Variants in ZP1 observed in about 807,000 individuals in gnomAD.
ZP1 encodes the protein zona pellucida sperm-binding protein 1.
A neutral mutation model predicts 67.4 loss-of-function variants in ZP1; 58 were observed. The ratio of observed to expected loss-of-function variants is 0.86; its 90% CI spans 0.70 to 1.07. The LOEUF is 1.07. Among genes scored for constraint, ZP1 ranks in the 50% least tolerant of loss-of-function variants. The pLI is 0.00. For missense variants in ZP1, 759 were observed against 807.3 expected, an observed-to-expected ratio of 0.94 and a Z score of 0.72; for synonymous variants, 333 against 332.7, an observed-to-expected ratio of 1.00 and a Z score of -0.01.
chr11:60,874,933 GT>G lies in ZP1; in HGVS notation c.1576del (p.Tyr526ThrfsTer45). 2 of 1,614,170 alleles carry G rather than the reference GT, an allele frequency of 1.2e-6. No homozygotes were observed. Among genetic ancestry groups the G allele is most frequent in the Non-Finnish European group, 1.7e-6 (2 of 1,180,040 alleles). ...TTTGATGTTCTTCTCCTTCCACCAG[GT>G]TTACTTGTTCTGCAGCACCTCTGCC... is the stretch of plus-strand genomic sequence containing the variant. Reference protein sequence around the residue: ...SGSQRALRGLVYLFCSTSACH... With the variant: ...SGSQRALRGLXYLFCSTSACH... On this transcript the variant is annotated frameshift_variant and splice_region_variant, in exon 10 of 12. Coordinates refer to ENST00000278853, the MANE Select transcript of ZP1 (RefSeq NM_207341.4). LOFTEE classifies it high-confidence loss of function.
At chr11:60,869,508 G>T in intron 2 of ZP1, 29 bp from the exon 3 acceptor site, 1 of 1,573,322 alleles carries the variant, frequency 6.4e-7, no homozygotes, top group South Asian at 1.2e-5. Context: ...GCCTCACCTT[G>T]CTGCTCTATG....
intron 6 of ZP1, among the ~76,000 whole-genome samples, chr11:60,872,870 G>A (rs1855606490): frequency 6.6e-6 from 1 of 152,156 alleles, no homozygotes; most frequent in African/African-American, 2.4e-5. Context: ...GACCCAACAA[G>A]GTGCCAGCCC....
rs116132208 is a variant in ZP1 at position 60,868,482 on chromosome 11, G to A, written c.197-663G>A. Among the ~76,000 whole-genome samples the A allele has an allele frequency of 3.9e-3, 599 of 152,338 alleles. 4 individuals carry two copies. Among genetic ancestry groups the A allele is most frequent in the African/African-American group, 0.013 (550 of 41,570 alleles). ...GTTTGGATCTGCAGCTTCTAAACGG[G>A]ATGATTTTGGACAACTGACCTGACT... On this transcript the variant is annotated intron_variant, in intron 1 of 11. Transcript: ENST00000278853.
intron 1 of ZP1, 73 bp downstream of exon 1, chr11:60,867,830 C>A: frequency 6.5e-7 from 1 of 1,527,756 alleles, no homozygotes; most frequent in Non-Finnish European, 8.8e-7. Context: ...TGGGACCCTT[C>A]CCCTGAAGGA....
At chr11:60,873,866 T>C (rs1014376210) in intron 9 of ZP1, 91 bp downstream of exon 9, 1 of 1,543,978 alleles carries the variant, frequency 6.5e-7, no homozygotes, top group Non-Finnish European at 8.8e-7. Context: ...TGAACTTATA[T>C]GGACAAAGTT....
chr11:60,870,436 GACA>G lies in ZP1; in HGVS notation c.791_793del (p.Asn264del), dbSNP rs1855545427. ...CTGTCAGCAGGCTGGCTGCTGCTAT[GACA>G]ACACCAGAGAGGTTCCCTGTTACTA... On this transcript the variant is annotated inframe_deletion, in exon 4 of 12. Coordinates refer to ENST00000278853, the MANE Select transcript of ZP1 (RefSeq NM_207341.4). 3 of 1,613,252 alleles carry G rather than the reference GACA, an allele frequency of 1.9e-6. No homozygotes were observed. Among genetic ancestry groups the G allele is most frequent in the South Asian group, 2.2e-5 (2 of 90,862 alleles).
rs1855518023 is a variant in ZP1 at position 60,869,077 on chromosome 11, T to TC, written c.197-66dup. On this transcript the variant is annotated intron_variant, in intron 1 of 11. Coordinates refer to ENST00000278853, the MANE Select transcript of ZP1 (RefSeq NM_207341.4). ...TCCTGGCTGCTGAGTGGGAACTCCT[T>TC]CCGAGACCCCAGCAACCTCTCCCTG... is the stretch of plus-strand genomic sequence containing the variant. 5 of 1,592,238 alleles carry TC rather than the reference T, an allele frequency of 3.1e-6. No individual in the cohort carries two copies. The Admixed American group carries it at 8.5e-5, about 27-fold the overall frequency.
Position 60,870,378 on chromosome 11 carries a change from C to A in ZP1, c.729C>A (p.Leu243=), listed in dbSNP as rs144315375. 99 of 1,613,308 alleles carry A rather than the reference C, an allele frequency of 6.1e-5. No individual in the cohort carries two copies. The East Asian group carries it at 2.2e-3, about 36-fold the overall frequency. ...AGTGCCAGGTGGCCTCAGGGCACCT[C>A]CCCTGCATCGTGAGAAGAACTTCAA... ...QEQCQVASGH[L]PCIVRRTSKE... The change falls in exon 4 of 12, where the codon CTC becomes CTA. Residue 243 remains leucine, a synonymous_variant. Coordinates refer to ENST00000278853, the MANE Select transcript of ZP1 (RefSeq NM_207341.4).
intron 1 of ZP1, among the ~76,000 whole-genome samples, chr11:60,868,652 TC>T (rs1055797116): frequency 2.6e-5 from 4 of 152,168 alleles, no homozygotes; most frequent in Admixed American, 1.3e-4. Context: ...AGGGGGTGTC[TC>T]CAAGCAACTG....
intron 3 of ZP1, 62 bp downstream of exon 3, chr11:60,869,962 C>G (rs983875200): frequency 4.0e-6 from 6 of 1,494,494 alleles, no homozygotes; most frequent in Non-Finnish European, 3.6e-6. Flanking sequence ...ACAGGGTGGC[C>G]TAACAGCCTT....
chr11:60,867,839 G>A (rs767604966), intron 1 of ZP1, 82 bp downstream of exon 1: 32 of 1,496,480 alleles, frequency 2.1e-5, no homozygotes, highest in Non-Finnish European at 2.7e-5. Context: ...TCCCCTGAAG[G>A]AGCAAGAACA....
At position 60,873,233 on chromosome 11, in the gene ZP1, C is replaced by A; in HGVS notation, c.1184C>A (p.Ser395Ter). Reference sequence around the variant, plus strand: ...CAGGCATCCATTTTCCCACCCCCATCGCCTGCTCCTATGACCCAGCCCGGC... The same window carrying A: ...CAGGCATCCATTTTCCCACCCCCATAGCCTGCTCCTATGACCCAGCCCGGC... ...PIQASIFPPP[S>*]PAPMTQPGPL... is the part of the protein sequence containing the mutation. Residue 395 changes from serine (S) to a stop codon, truncating the protein, a stop_gained, in exon 7 of 12, where the codon TCG (serine) becomes TAG (stop). Coordinates refer to ENST00000278853, the MANE Select transcript of ZP1 (RefSeq NM_207341.4). LOFTEE classifies it high-confidence loss of function. The A allele has an allele frequency of 1.9e-6, 3 of 1,607,558 alleles. No individual in the cohort carries two copies. Among genetic ancestry groups the A allele is most frequent in the African/African-American group, 1.3e-5 (1 of 74,920 alleles).
Position 60,870,318 on chromosome 11 carries a change from T to C in ZP1, c.683-14T>C. The C allele has an allele frequency of 6.4e-7, 1 of 1,563,214 alleles. No individual in the cohort carries two copies. Among genetic ancestry groups the C allele is most frequent in the Non-Finnish European group, 8.6e-7 (1 of 1,156,170 alleles). ...CTGTGTGCCTTCAGCCTCATCACTC[T>C]GTCCCAACCCTAGGTACCCACCTGA... On this transcript the variant is annotated splice_polypyrimidine_tract_variant and intron_variant, in intron 3 of 11. Transcript: ENST00000278853.
At chr11:60,871,411 C>T (rs1044932739) in intron 6 of ZP1, 97 bp downstream of exon 6, 2 of 1,334,832 alleles carry the variant, frequency 1.5e-6, no homozygotes, top group Non-Finnish European at 1.0e-6. Flanking sequence ...TCAGCTCAAA[C>T]CCAGGCTCTG....
rs1855529261 is a variant in ZP1, at chr11:60,869,663, G to A, written c.445G>A (p.Ala149Thr). ...CTCCCGGACTCTGGACTCCCAGCTG[G>A]CACCACCCGCCATGTTCTCTGTCTC... ...DPSRTLDSQL[A>T]PPAMFSVSTP... Residue 149 changes from alanine to threonine, a missense_variant, in exon 3 of 12, where the codon GCA becomes ACA. Physicochemically the swap from Ala to Thr is moderately conservative, Grantham distance 58. Coordinates refer to ENST00000278853, the MANE Select transcript of ZP1 (RefSeq NM_207341.4). 6.2e-7 allele frequency: 1 copy of A among 1,614,062 alleles called. No individual in the cohort carries two copies. Among genetic ancestry groups the A allele is most frequent in the Non-Finnish European group, 8.5e-7 (1 of 1,180,006 alleles).
rs569486356 is a variant in ZP1, at chr11:60,871,004, C to T, written c.874C>T (p.Gln292Ter). 4.8e-5 allele frequency: 77 copies of T among 1,614,214 alleles called. No individual in the cohort carries two copies. The South Asian group carries it at 8.0e-4, about 17-fold the overall frequency. ...TGGCTACTTCGTCCTCGTGGTGTCC[C>T]AAGAAATGGCCTTGACACACAGGAT... ...RDGYFVLVVSQEMALTHRITL... is the reference protein window; with the variant it reads ...RDGYFVLVVS Residue 292 changes from glutamine to a stop codon, truncating the protein, a stop_gained, in exon 5 of 12, where the codon CAA becomes TAA. Coordinates refer to ENST00000278853, the MANE Select transcript of ZP1 (RefSeq NM_207341.4). LOFTEE classifies it high-confidence loss of function.
rs559714951 is a variant in ZP1 at position 60,869,661 on chromosome 11, T to C, written c.443T>C (p.Leu148Pro). The change falls in exon 3 of 12, where the codon CTG (leucine) becomes CCG (proline). Residue 148 changes from leucine to proline, a missense_variant. Leu to Pro is a moderately conservative substitution (Grantham distance 98, BLOSUM62 -3). Transcript: ENST00000278853. ...CCCTCCCGGACTCTGGACTCCCAGCTGGCACCACCCGCCATGTTCTCTGTC... is the reference window on the plus strand; with the variant it reads ...CCCTCCCGGACTCTGGACTCCCAGCCGGCACCACCCGCCATGTTCTCTGTC... The part of the protein sequence containing the change: ...PDPSRTLDSQ[L>P]APPAMFSVST... 8 of 1,614,180 alleles carry C rather than the reference T, an allele frequency of 5.0e-6. No homozygotes were observed. In the South Asian group the frequency reaches 8.8e-5, roughly 18 times the overall value.
chr11:60,868,039 CTTT>C (rs3044654), intron 1 of ZP1, among the ~76,000 whole-genome samples: 2 of 140,652 alleles, frequency 1.4e-5, no homozygotes, highest in Non-Finnish European at 3.1e-5. Context: ...CATTTCTTTT[CTTT>C]TTTTTTTTTT....
rs534990073 is a variant in ZP1, at chr11:60,869,297, C to A, written c.318+31C>A. 7 of 1,613,004 alleles carry A rather than the reference C, an allele frequency of 4.3e-6. No homozygotes were observed. The South Asian group carries it at 6.6e-5, about 15-fold the overall frequency. ...GGTTGTTCATGCTCTGGCACAGGGG[C>A]AAGCTTGTCCTAGTGTCATGTCAGG... is the stretch of plus-strand genomic sequence containing the variant. On this transcript the variant is annotated intron_variant, in intron 2 of 11. Coordinates refer to ENST00000278853, the MANE Select transcript of ZP1 (RefSeq NM_207341.4).
Sources: allele counts gnomAD v4.1 joint callset (sites outside exome capture counted in the v4.1 genomes callset), GRCh38; gene constraint gnomAD v4.1.1; transcripts MANE v1.5; gene names NCBI Gene and HGNC (gene_info 2026-07-23, HGNC 2026-07-21).